Variants in FBXL17 observed in about 807,000 individuals in gnomAD.
FBXL17 encodes F-box and leucine rich repeat protein 17.
A neutral mutation model predicts 66.2 loss-of-function variants in FBXL17; 22 were observed. That is an observed-to-expected ratio of 0.33 (90% CI 0.24 to 0.47). The LOEUF is 0.47. FBXL17 is among the 20% of genes least tolerant of loss of function. The probability of loss-of-function intolerance (pLI) is 1.00; values close to 1 mark genes in which losing one functional copy is unlikely to be tolerated. For synonymous variants in FBXL17, 474 were observed against 400.5 expected, an observed-to-expected ratio of 1.18 and a Z score of -2.19; for missense variants, 878 against 948.2, an observed-to-expected ratio of 0.93 and a Z score of 0.97.
chr5:107,993,832 C>T (rs1450824355), intron 7 of FBXL17, among the ~76,000 whole-genome samples: 2 of 152,060 alleles, frequency 1.3e-5, no homozygotes, highest in East Asian at 1.9e-4. Flanking sequence ...TGTAGCAAAC[C>T]AAAATTTATA....
chr5:108,163,207 G>A (rs543779075), intron 6 of FBXL17, among the ~76,000 whole-genome samples: 1 of 151,854 alleles, frequency 6.6e-6, no homozygotes, highest in South Asian at 2.1e-4. Context: ...TTTTTGCCAG[G>A]GCCCATCAGA....
At chr5:108,371,363 G>A (rs1383132156) in intron 1 of FBXL17, among the ~76,000 whole-genome samples, 1 of 152,166 alleles carries the variant, frequency 6.6e-6, no homozygotes, top group East Asian at 1.9e-4. Context: ...AGCAGCACAG[G>A]TGGCTGTATC....
chr5:108,081,537 C>T (rs1290822167), intron 6 of FBXL17, among the ~76,000 whole-genome samples: 1 of 151,830 alleles, frequency 6.6e-6, no homozygotes, highest in African/African-American at 2.4e-5. Flanking sequence ...CTGGCTAACA[C>T]GGTGAAACCC....
chr5:108,275,412 G>A (rs1477128712), intron 4 of FBXL17, among the ~76,000 whole-genome samples: 2 of 152,130 alleles, frequency 1.3e-5, no homozygotes, highest in African/African-American at 4.8e-5. Context: ...CTTCTAAGTG[G>A]CCTGGTCTAT....
At chr5:108,015,640 G>T (rs754211229) in intron 7 of FBXL17, among the ~76,000 whole-genome samples, 1 of 152,148 alleles carries the variant, frequency 6.6e-6, no homozygotes, top group Admixed American at 6.6e-5. Context: ...ATCAGTGCTA[G>T]TCTGGCAACA....
intron 7 of FBXL17, among the ~76,000 whole-genome samples, chr5:107,964,714 A>C (rs191939481): frequency 1.3e-5 from 2 of 152,314 alleles, no homozygotes; most frequent in Admixed American, 1.3e-4. Flanking sequence ...AAAAGAAGGC[A>C]AGGCTACATT....
intron 4 of FBXL17, among the ~76,000 whole-genome samples, chr5:108,326,278 A>G (rs578037024): frequency 6.6e-6 from 1 of 152,188 alleles, no homozygotes; most frequent in African/African-American, 2.4e-5. Flanking sequence ...ATGTAAGAAG[A>G]CAACCAATTA....
At chr5:108,275,816 C>T (rs1352012559) in intron 4 of FBXL17, among the ~76,000 whole-genome samples, 1 of 152,214 alleles carries the variant, frequency 6.6e-6, no homozygotes, top group African/African-American at 2.4e-5. Context: ...GCAGCCTCAG[C>T]TGTGCTTAAT....
chr5:107,947,707 A>G (rs1751359575), intron 7 of FBXL17, among the ~76,000 whole-genome samples: 1 of 152,198 alleles, frequency 6.6e-6, no homozygotes, highest in African/African-American at 2.4e-5. Context: ...CAGGAAAATC[A>G]TGACAGTGGA....
At chr5:107,989,275 C>G (rs138000144) in intron 7 of FBXL17, among the ~76,000 whole-genome samples, 323 of 152,102 alleles carry the variant, frequency 2.1e-3, no homozygotes, top group African/African-American at 7.2e-3. Context: ...ATTAACCAAC[C>G]TCTCTTCATC....
chr5:108,261,949 C>A (rs1396743772), intron 4 of FBXL17, among the ~76,000 whole-genome samples: 3 of 151,736 alleles, frequency 2.0e-5, no homozygotes, highest in African/African-American at 7.3e-5. Flanking sequence ...TATTTATAAA[C>A]CTTTCTCAAG....
At position 107,994,701 on chromosome 5, in the gene FBXL17, G is replaced by A. The variant is rs974336911; in HGVS notation, c.1822+26224C>T. On this transcript the variant is annotated intron_variant, in intron 7 of 8. Transcript: ENST00000542267. The stretch of plus-strand genomic sequence containing the variant: ...AAAAATACAAAACTTAGCCAGGCGC[G>A]GTGGCAGGTGCCTATAATCCCAGCT... 5.3e-5 allele frequency among the ~76,000 whole-genome samples: 8 copies of A among 152,016 alleles called. No homozygotes were observed. The South Asian group carries it at 8.3e-4, about 16-fold the overall frequency.
chr5:108,003,630 T>TA (rs887656586), intron 7 of FBXL17, among the ~76,000 whole-genome samples: 17 of 152,200 alleles, frequency 1.1e-4, no homozygotes, highest in African/African-American at 3.6e-4. Context: ...CATGTTACTA[T>TA]AAAAAAGACA....
chr5:107,959,969 G>T (rs1002345251), intron 7 of FBXL17, among the ~76,000 whole-genome samples: 1 of 152,086 alleles, frequency 6.6e-6, no homozygotes, highest in Non-Finnish European at 1.5e-5. Flanking sequence ...ATTAATCTAC[G>T]TACTTTCCTT....
chr5:108,241,398 C>G (rs1755848225), intron 4 of FBXL17, among the ~76,000 whole-genome samples: 1 of 151,624 alleles, frequency 6.6e-6, no homozygotes, highest in South Asian at 2.1e-4. Context: ...CAGAATTGAT[C>G]AAGCAGAGAA....
At chr5:108,212,579 C>T (rs1411519452) in intron 5 of FBXL17, among the ~76,000 whole-genome samples, 3 of 152,206 alleles carry the variant, frequency 2.0e-5, no homozygotes, top group Non-Finnish European at 2.9e-5. Context: ...CCCTCTGCTG[C>T]TGTCTGCTGG....
At chr5:108,342,832 T>C (rs1746979741) in intron 4 of FBXL17, among the ~76,000 whole-genome samples, 1 of 152,182 alleles carries the variant, frequency 6.6e-6, no homozygotes, top group African/African-American at 2.4e-5. Context: ...ATCAAACATT[T>C]TCTATTACCA....
intron 7 of FBXL17, among the ~76,000 whole-genome samples, chr5:107,940,404 C>T (rs1319672568): frequency 3.3e-5 from 5 of 152,066 alleles, no homozygotes; most frequent in East Asian, 1.9e-4. Flanking sequence ...AGTGAGATGG[C>T]GTATATGCAA....
intron 4 of FBXL17, among the ~76,000 whole-genome samples, chr5:108,295,964 C>CA (rs60118717): frequency 0.35 from 39,368 of 111,378 alleles, 6,298 homozygotes; most frequent in South Asian, 0.52. Flanking sequence ...TAAACAAAAC[C>CA]AAAAAAAAAA....
Sources: allele counts gnomAD v4.1 joint callset (sites outside exome capture counted in the v4.1 genomes callset), GRCh38; gene constraint gnomAD v4.1.1; transcripts MANE v1.5; gene names NCBI Gene and HGNC (gene_info 2026-07-23, HGNC 2026-07-21).